The following HDAC9 variants were observed in gnomAD, a reference collection of about 807,000 sequenced individuals.
HDAC9 encodes the protein MEF-2 interacting transcription repressor (MITR) protein.
HDAC9 carries 41 observed loss-of-function variants against 139.4 expected under a neutral mutation model. That is an observed-to-expected ratio of 0.29 (90% confidence interval 0.23 to 0.38). The LOEUF (loss-of-function observed/expected upper bound fraction) is 0.38, where lower values mean the gene tolerates loss of function less well. HDAC9 is among the 10% of genes least tolerant of loss of function. The pLI is 1.00. For missense variants in HDAC9, 1,147 were observed against 1,297.0 expected (o/e 0.88, Z 1.78); for synonymous variants, 517 against 476.2 (o/e 1.09, Z -1.12).
chr7:18,180,564 A>T (rs1789341868), intron 2 of HDAC9, among the ~76,000 whole-genome samples: 2 of 152,142 alleles, frequency 1.3e-5, no homozygotes, highest in African/African-American at 4.8e-5. Context: ...GCTGTATAAC[A>T]TGTGGCAGGT....
chr7:18,218,477 A>T (rs1792466906), intron 2 of HDAC9, among the ~76,000 whole-genome samples: 1 of 152,096 alleles, frequency 6.6e-6, no homozygotes, highest in South Asian at 2.1e-4. Context: ...ATTTAAAAAG[A>T]AGTGACATAC....
chr7:18,659,807 A>G (rs1490341131), intron 11 of HDAC9, among the ~76,000 whole-genome samples: 1 of 152,154 alleles, frequency 6.6e-6, no homozygotes, highest in African/African-American at 2.4e-5. Flanking sequence ...ACAGGCTTGC[A>G]CATTTATCTG....
chr7:18,983,283 T>C (rs1785080327), intron 25 of HDAC9, among the ~76,000 whole-genome samples: 1 of 152,208 alleles, frequency 6.6e-6, no homozygotes, highest in South Asian at 2.1e-4. Flanking sequence ...AAACATTTCC[T>C]TCTTTTTTAA....
chr7:18,590,371 A>T lies in HDAC9; in HGVS notation c.300A>T (p.Gln100His), dbSNP rs773105512. The change falls in exon 4 of 26, where the codon CAA becomes CAT. Residue 100 changes from glutamine to histidine, a missense_variant. Gln to His is a conservative substitution (Grantham distance 24). Around this residue, in one of 7 missense-constraint regions of HDAC9, gnomAD observed 136 missense variants for 183.5 expected, o/e 0.74. Transcript: ENST00000686413. ...AACTTCTAGCCATAAAACAGCAACAAGAACTCCTAGAAAAGGAGCAGAAAC... is the reference window on the plus strand; with the variant it reads ...AACTTCTAGCCATAAAACAGCAACATGAACTCCTAGAAAAGGAGCAGAAAC... ...QQELLAIKQQQELLEKEQKLE... is the reference protein window; with the variant it reads ...QQELLAIKQQHELLEKEQKLE... 5.0e-6 allele frequency: 8 copies of T among 1,612,028 alleles called. No homozygotes were observed. Among genetic ancestry groups the T allele is most frequent in the Non-Finnish European group, 6.8e-6 (8 of 1,179,096 alleles).
chr7:18,938,065 C>T (rs542609598), intron 23 of HDAC9, among the ~76,000 whole-genome samples: 1 of 152,246 alleles, frequency 6.6e-6, no homozygotes, highest in South Asian at 2.1e-4. Flanking sequence ...TGCTGCCATT[C>T]TATGACCTTT....
chr7:18,584,446 T>A (rs1828837618), intron 2 of HDAC9, among the ~76,000 whole-genome samples: 1 of 152,180 alleles, frequency 6.6e-6, no homozygotes, highest in Non-Finnish European at 1.5e-5. Context: ...AGCATTCTTA[T>A]CTACTAAGAG....
At chr7:18,779,639 A>T (rs1791074193) in intron 16 of HDAC9, among the ~76,000 whole-genome samples, 1 of 152,046 alleles carries the variant, frequency 6.6e-6, no homozygotes, top group African/African-American at 2.4e-5. Context: ...TGGTTTCTTT[A>T]TCTATGAAAT....
intron 1 of HDAC9, among the ~76,000 whole-genome samples, chr7:18,383,567 C>G (rs1313464421): frequency 6.6e-6 from 1 of 151,798 alleles, no homozygotes; most frequent in Non-Finnish European, 1.5e-5. Flanking sequence ...GAAATAAATT[C>G]CAGATGGATC....
At chr7:18,351,180 GAT>G (rs1483339208) in intron 1 of HDAC9, among the ~76,000 whole-genome samples, 2 of 152,062 alleles carry the variant, frequency 1.3e-5, no homozygotes, top group Non-Finnish European at 2.9e-5. Flanking sequence ...ACAGTTGCTT[GAT>G]ATTTACAAGA....
chr7:18,747,330 ATTAGAGATAATAACACC>A (rs1788063372), intron 13 of HDAC9, among the ~76,000 whole-genome samples: 1 of 152,202 alleles, frequency 6.6e-6, no homozygotes, highest in Non-Finnish European at 1.5e-5. Context: ...AGAAGTCCAG[ATTAGAGATAATAACACC>A]TTGGATTGTG....
chr7:18,589,267 C>G (rs566218384), intron 3 of HDAC9, among the ~76,000 whole-genome samples: 3 of 152,210 alleles, frequency 2.0e-5, no homozygotes, highest in African/African-American at 7.2e-5. Context: ...GGCTCACACC[C>G]GTAATCCCGG....
chr7:18,832,355 C>G lies in HDAC9; in HGVS notation c.2466+2807C>G, dbSNP rs115514458. Among the ~76,000 whole-genome samples the G allele has an allele frequency of 2.5e-3, 383 of 152,276 alleles. 2 individuals carry two copies. The highest frequency in any genetic ancestry group is 8.8e-3 in the African/African-American group (367 of 41,552). ...TATTACAAGTCCCTATACTGAGTAA[C>G]TAGGAGTGATAACATTAGCTGCTAG... is the stretch of plus-strand genomic sequence containing the variant. On this transcript the variant is annotated intron_variant, in intron 19 of 25. Transcript: ENST00000686413.
intron 22 of HDAC9, among the ~76,000 whole-genome samples, chr7:18,932,586 G>A (rs1049112755): frequency 6.6e-6 from 1 of 152,032 alleles, no homozygotes; most frequent in African/African-American, 2.4e-5. Context: ...AGGGTCAGAG[G>A]CTTGGGCCTA....
Position 19,001,722 on chromosome 7 carries a change from G to T in HDAC9, c.*5660G>T, listed in dbSNP as rs1334256217. 2 of 151,906 alleles carry T rather than the reference G, an allele frequency of 1.3e-5. No individual in the cohort carries two copies. Among genetic ancestry groups the T allele is most frequent in the Non-Finnish European group, 2.9e-5 (2 of 67,918 alleles). 9.4% of individuals were successfully genotyped at this position (151,906 alleles called of 1,614,324 possible). A position where few individuals can be genotyped will look rare whatever the true frequency, so the allele number is the denominator to read the frequency against. On this transcript the variant is annotated 3_prime_UTR_variant, in exon 26 of 26. Coordinates refer to ENST00000686413, the MANE Select transcript of HDAC9 (RefSeq NM_178425.4). ...CAGTGTCTACCTCCACAGTAACTAT[G>T]ATATAGGAAATTGTCCTTTCAGTGG...
At chr7:18,705,723 C>T (rs548529435) in intron 12 of HDAC9, among the ~76,000 whole-genome samples, 16 of 151,524 alleles carry the variant, frequency 1.1e-4, no homozygotes, top group South Asian at 2.1e-4. Flanking sequence ...TGCAGTGGCG[C>T]GTACCTGTAA....
rs1793831774 is a variant in HDAC9, at chr7:18,807,724, G to A, written c.2322+14272G>A. Among the ~76,000 whole-genome samples, 3 of 151,728 alleles carry A rather than the reference G, an allele frequency of 2.0e-5. No homozygotes were observed. The South Asian group carries it at 6.2e-4, about 31-fold the overall frequency. On this transcript the variant is annotated intron_variant, in intron 17 of 25. Transcript: ENST00000686413. Reference sequence around the variant, plus strand: ...TATGTTGCTTAATTGTCACATATTTGTGAATTTCCAATTTTCCTCTGGTTA... The same window carrying A: ...TATGTTGCTTAATTGTCACATATTTATGAATTTCCAATTTTCCTCTGGTTA...
chr7:18,450,538 T>C (rs1258271415), intron 1 of HDAC9, among the ~76,000 whole-genome samples: 1 of 152,174 alleles, frequency 6.6e-6, no homozygotes, highest in African/African-American at 2.4e-5. Context: ...CTTTTAGTAA[T>C]TTTGCTTGTC....
chr7:18,777,957 C>G (rs547302018), intron 16 of HDAC9, among the ~76,000 whole-genome samples: 1 of 152,006 alleles, frequency 6.6e-6, no homozygotes, highest in Non-Finnish European at 1.5e-5. Flanking sequence ...CAAATAATCC[C>G]AGAGGTTTTA....
Position 18,418,101 on chromosome 7 carries a change from A to G in HDAC9, c.-41-78161A>G, listed in dbSNP as rs551500492. Among the ~76,000 whole-genome samples, 13 of 152,270 alleles carry G rather than the reference A, an allele frequency of 8.5e-5. No individual in the cohort carries two copies. The Middle Eastern group carries it at 0.01, about 120-fold the overall frequency. On this transcript the variant is annotated intron_variant, in intron 1 of 3. Transcript: ENST00000413509. ...TTGTTTCTCATCTCTCAGGATTGCT[A>G]TCCTTTGATGGCTCAAGTCTAGAAT...
Sources: gnomAD v4.1 joint callset for allele counts (sites outside exome capture counted in the v4.1 genomes callset) on GRCh38, gnomAD v4.1.1 for gene constraint, gnomAD v4.1.1 regional missense constraint, MANE v1.5 for transcripts, NCBI Gene and HGNC (gene_info 2026-07-23, HGNC 2026-07-21) for gene names.